SCNN1G: variants seen among roughly 807,000 people sequenced by gnomAD.
SCNN1G encodes epithelial sodium channel subunit gamma.
SCNN1G carries 27 observed loss-of-function variants against 64.6 expected under a neutral mutation model. That is an observed-to-expected ratio of 0.42 (90% CI 0.31 to 0.58). The LOEUF is 0.58. Among genes scored for constraint, SCNN1G ranks in the 20% least tolerant of loss-of-function variants. The pLI is 0.18. For synonymous variants in SCNN1G, 330 were observed against 314.2 expected (o/e 1.05, Z -0.53); for missense variants, 743 against 823.4 (o/e 0.90, Z 1.19).
intron 6 of SCNN1G, among the ~76,000 whole-genome samples, 194 bp from the exon 7 acceptor site, chr16:23,209,556 C>T (rs1216419154): frequency 6.6e-6 from 1 of 152,178 alleles, no homozygotes; most frequent in Non-Finnish European, 1.5e-5. Flanking sequence ...CTATCTTGAT[C>T]ATTGCTGATT....
intron 6 of SCNN1G, among the ~76,000 whole-genome samples, chr16:23,208,608 C>T (rs866002695): frequency 1.3e-5 from 2 of 149,058 alleles, no homozygotes; most frequent in South Asian, 4.4e-4. Context: ...TTCCCTTCCC[C>T]TCCCCTCCCC....
chr16:23,197,400 A>C lies in SCNN1G; in HGVS notation c.1050A>C (p.Ala350=). The C allele has an allele frequency of 6.2e-7, 1 of 1,614,120 alleles. No homozygotes were observed. Among genetic ancestry groups the C allele is most frequent in the Non-Finnish European group, 8.5e-7 (1 of 1,179,956 alleles). Residue 350 remains alanine (A), a synonymous_variant, in exon 6 of 13, where the codon GCA becomes GCC. Coordinates refer to ENST00000300061, the MANE Select transcript of SCNN1G (RefSeq NM_001039.4). The part of the protein sequence containing the change: ...VEDVGTEIET[A]MVTSIGMHLT... Reference sequence around the variant, plus strand: ...ATGTGGGAACAGAGATTGAGACAGCAATGGTCACCTCTATAGGAATGCACC... The same window carrying C: ...ATGTGGGAACAGAGATTGAGACAGCCATGGTCACCTCTATAGGAATGCACC...
intron 12 of SCNN1G, 103 bp downstream of exon 12, chr16:23,214,890 C>A: frequency 8.7e-7 from 1 of 1,147,488 alleles, no homozygotes; most frequent in Non-Finnish European, 1.3e-6. Flanking sequence ...CCAGCCTACT[C>A]TAGGAGGGCT....
chr16:23,215,325 A>T lies in SCNN1G; in HGVS notation c.1806A>T (p.Leu602=). ...DNPALDIDDD[L]PTFNSALHLP... ...CAGCCCTGGATATAGACGATGACCT[A>T]CCCACTTTCAACTCTGCTTTGCACC... The change falls in exon 13 of 13, where the codon CTA becomes CTT. Residue 602 remains leucine, a synonymous_variant. Transcript: ENST00000300061. The T allele has an allele frequency of 6.2e-7, 1 of 1,614,122 alleles. No homozygotes were observed. The highest frequency in any genetic ancestry group is 8.5e-7 in the Non-Finnish European group (1 of 1,180,034).
chr16:23,209,853 C>G lies in SCNN1G; in HGVS notation c.1176+5C>G, dbSNP rs1960051252. ...AACGCTGCCTACTCGCTCCAGGTAA[C>G]AGATTGGCAGGGGCACCCAGCCCTG... On this transcript the variant is annotated splice_donor_5th_base_variant and intron_variant, in intron 7 of 12. Transcript: ENST00000300061. 18 of 1,608,420 alleles carry G rather than the reference C, an allele frequency of 1.1e-5. No individual in the cohort carries two copies. The highest frequency in any genetic ancestry group is 1.4e-5 in the Non-Finnish European group (16 of 1,174,756).
chr16:23,198,154 T>C (rs1959827773), intron 6 of SCNN1G, among the ~76,000 whole-genome samples: 1 of 152,200 alleles, frequency 6.6e-6, no homozygotes, highest in Non-Finnish European at 1.5e-5. Flanking sequence ...CTGTCAATTT[T>C]ACCTCATTTA....
intron 2 of SCNN1G, among the ~76,000 whole-genome samples, chr16:23,186,955 C>A (rs140024019): frequency 6.6e-6 from 1 of 152,022 alleles, no homozygotes; most frequent in Non-Finnish European, 1.5e-5. Flanking sequence ...TGTACCACAG[C>A]GCCAGGCTAA....
chr16:23,200,725 T>C (rs963201570), intron 6 of SCNN1G, among the ~76,000 whole-genome samples: 2 of 152,214 alleles, frequency 1.3e-5, no homozygotes, highest in Admixed American at 6.5e-5. Context: ...TGTAAGACCA[T>C]ATGAGTGCAT....
intron 5 of SCNN1G, 78 bp downstream of exon 5, chr16:23,194,352 G>A: frequency 9.0e-6 from 9 of 999,248 alleles, no homozygotes; most frequent in East Asian, 2.4e-5. Context: ...GGGGATGCGG[G>A]AGCCCTCTGG....
chr16:23,199,730 G>C (rs1959857675), intron 6 of SCNN1G, among the ~76,000 whole-genome samples: 1 of 133,426 alleles, frequency 7.5e-6, no homozygotes, highest in Non-Finnish European at 1.5e-5. Context: ...GGAGTGCAGT[G>C]GCATGATCTT....
chr16:23,199,653 CTTTTCTTTTCTT>C (rs1959853491), intron 6 of SCNN1G, among the ~76,000 whole-genome samples: 1 of 115,492 alleles, frequency 8.7e-6, no homozygotes, highest in African/African-American at 3.2e-5. Flanking sequence ...TTTTTCTTTT[CTTTTCTTTTCTT>C]TTTTTTTTTT....
In SCNN1G at chr16:23,215,739, C is replaced by T. The variant is rs1206657291; in HGVS notation, c.*270C>T. ...TAGCACGTCACTAGAGACTGGGAGC[C>T]GAGGCAGTGGTGCTGGCCCAAGTGA... On this transcript the variant is annotated 3_prime_UTR_variant, in exon 13 of 13. Transcript: ENST00000300061. 5 of 531,344 alleles carry T rather than the reference C, an allele frequency of 9.4e-6. No individual in the cohort carries two copies. The highest frequency in any genetic ancestry group is 4.1e-5 in the South Asian group (2 of 49,308). The allele number at this position is 531,344 out of a possible 1,614,324, so 32.9% of individuals were successfully genotyped here. A position where few individuals can be genotyped will look rare whatever the true frequency, so the allele number is the denominator to read the frequency against.
chr16:23,189,392 T>C lies in SCNN1G; in HGVS notation c.339T>C (p.Leu113=), dbSNP rs1375026183. Residue 113 remains leucine, a synonymous_variant, in exon 3 of 13, where the codon CTT becomes CTC. Transcript: ENST00000300061. The part of the protein sequence containing the change: ...NPYKYSTVRH[L]LADLEQETRE... ...GCAGGTACAGCACCGTTCGCCACCTTCTAGCTGACTTGGAACAGGAGACCA... is the reference window on the plus strand; with the variant it reads ...GCAGGTACAGCACCGTTCGCCACCTCCTAGCTGACTTGGAACAGGAGACCA... 1.2e-6 allele frequency: 2 copies of C among 1,613,930 alleles called. No homozygotes were observed. Among genetic ancestry groups the C allele is most frequent in the Non-Finnish European group, 8.5e-7 (1 of 1,180,022 alleles).
In SCNN1G at chr16:23,215,175, C is replaced by A. The variant is rs747351262; in HGVS notation, c.1656C>A (p.Val552=). 6.2e-7 allele frequency: 1 copy of A among 1,614,148 alleles called. No individual in the cohort carries two copies. Among genetic ancestry groups the A allele is most frequent in the Non-Finnish European group, 8.5e-7 (1 of 1,180,022 alleles). ...TCTGCGTCATCGAGATCATCGAGGT[C>A]TTCTTCATTGACTTCTTCTCTATCA... ...SVVCVIEIIE[V]FFIDFFSIIA... is the part of the protein sequence containing the mutation. Residue 552 remains valine, a synonymous_variant, in exon 13 of 13, where the codon GTC becomes GTA. Transcript: ENST00000300061.
chr16:23,203,769 C>CAAAAAAAAAAA (rs71151702), intron 6 of SCNN1G, among the ~76,000 whole-genome samples: 3 of 42,268 alleles, frequency 7.1e-5, no homozygotes, highest in African/African-American at 4.0e-4. Context: ...GACTCCGTCT[C>CAAAAAAAAAAA]AAAAAAAAAA....
chr16:23,209,534 C>G (rs1960045139), intron 6 of SCNN1G, among the ~76,000 whole-genome samples: 1 of 152,160 alleles, frequency 6.6e-6, no homozygotes, highest in Admixed American at 6.5e-5. Flanking sequence ...TCCAGGAGAG[C>G]AGGGAACTTA....
intron 6 of SCNN1G, among the ~76,000 whole-genome samples, chr16:23,207,794 G>A (rs1431950121): frequency 6.6e-6 from 1 of 152,184 alleles, no homozygotes; most frequent in East Asian, 1.9e-4. Flanking sequence ...TGGGTCAGCA[G>A]ATGAAATGCA....
At position 23,189,639 on chromosome 16, in the gene SCNN1G, A is replaced by T. The variant is rs1403254726; in HGVS notation, c.586A>T (p.Ile196Phe). ...IIHKASNVMH[I>F]ESKQVVGFQL... Reference sequence around the variant, plus strand: ...TCACAAGGCTTCAAATGTCATGCACATCGAGTCCAAGCAAGTGGTGGGATT... The same window carrying T: ...TCACAAGGCTTCAAATGTCATGCACTTCGAGTCCAAGCAAGTGGTGGGATT... Residue 196 changes from isoleucine to phenylalanine, a missense_variant, in exon 3 of 13, where the codon ATC (isoleucine) becomes TTC (phenylalanine). Transcript: ENST00000300061. 6.2e-7 allele frequency: 1 copy of T among 1,614,230 alleles called. No individual in the cohort carries two copies. The highest frequency in any genetic ancestry group is 1.1e-5 in the South Asian group (1 of 91,082).
At chr16:23,214,990 T>C in intron 12 of SCNN1G, 99 bp from the exon 13 acceptor site, 1 of 1,422,036 alleles carries the variant, frequency 7.0e-7, no homozygotes. Context: ...CTGTGCAGGG[T>C]CGGGGCTGAC....
Sources: allele counts gnomAD v4.1 joint callset (sites outside exome capture counted in the v4.1 genomes callset), GRCh38; gene constraint gnomAD v4.1.1; transcripts MANE v1.5; gene names NCBI Gene and HGNC (gene_info 2026-07-23, HGNC 2026-07-21).